The following TENT4B variants were observed in gnomAD, a reference collection of about 807,000 sequenced individuals.
TENT4B encodes the protein PAP associated domain containing 5.
In TENT4B, 10 loss-of-function variants were observed where a neutral mutation model predicts 75.0. The observed-to-expected ratio is 0.13, with a 90% confidence interval of 0.08 to 0.23. The LOEUF (loss-of-function observed/expected upper bound fraction) is 0.23. Among genes scored for constraint, TENT4B ranks in the 10% least tolerant of loss-of-function variants. The pLI is 1.00. For missense variants in TENT4B, 579 were observed against 893.8 expected (o/e 0.65, Z 4.49); for synonymous variants, 350 against 357.7 (o/e 0.98, Z 0.24).
rs1278119882 is a variant in TENT4B at position 50,232,347 on chromosome 16, TC to T, written c.*3021del. On this transcript the variant is annotated 3_prime_UTR_variant, in exon 12 of 12. Coordinates refer to ENST00000561678, the MANE Select transcript of TENT4B (RefSeq NM_001365324.3). Reference sequence around the variant, plus strand: ...AACAGTTGATTCTGTTTTATTTTTATCCTGTTTTGAGTGTACTTTACCTTTA... The same window carrying T: ...AACAGTTGATTCTGTTTTATTTTTATCTGTTTTGAGTGTACTTTACCTTTA... 2.0e-5 allele frequency: 20 copies of T among 985,344 alleles called. No homozygotes were observed. Among genetic ancestry groups the T allele is most frequent in the Non-Finnish European group, 2.3e-5 (19 of 829,934 alleles). The allele number at this position is 985,344 out of a possible 1,614,324, so 61.0% of individuals were successfully genotyped here.
intron 10 of TENT4B, among the ~76,000 whole-genome samples, chr16:50,225,898 G>C (rs1340030347): frequency 1.3e-5 from 2 of 151,916 alleles, no homozygotes; most frequent in Non-Finnish European, 2.9e-5. Context: ...TGGTCAGGCT[G>C]GTCCTGAACT....
intron 1 of TENT4B, among the ~76,000 whole-genome samples, chr16:50,178,934 G>A (rs568051945): frequency 3.6e-4 from 55 of 152,006 alleles, no homozygotes; most frequent in Non-Finnish European, 6.5e-4. Flanking sequence ...CCACTGAACT[G>A]TACACCTAAA....
chr16:50,193,331 GTTTT>G (rs774084083), intron 1 of TENT4B, among the ~76,000 whole-genome samples: 1 of 101,478 alleles, frequency 9.9e-6, no homozygotes, highest in Admixed American at 1.2e-4. Context: ...AGTTCCTGGA[GTTTT>G]TTTTTTTTTT....
At chr16:50,155,172 G>A (rs2037866988) in intron 1 of TENT4B, among the ~76,000 whole-genome samples, 1 of 152,104 alleles carries the variant, frequency 6.6e-6, no homozygotes, top group African/African-American at 2.4e-5. Flanking sequence ...TACATAAGCA[G>A]GGAATGTTTC....
At chr16:50,194,230 C>CT in intron 1 of TENT4B, among the ~76,000 whole-genome samples, 1 of 35,862 alleles carries the variant, frequency 2.8e-5, no homozygotes, top group Non-Finnish European at 6.3e-5. Context: ...TTTTTTTTTT[C>CT]TCTGAGACGG....
chr16:50,217,611 T>C lies in TENT4B; in HGVS notation c.986T>C (p.Phe329Ser). 6.5e-7 allele frequency: 1 copy of C among 1,536,016 alleles called. No individual in the cohort carries two copies. The highest frequency in any genetic ancestry group is 1.3e-5 in the South Asian group (1 of 79,788). ...ACTGAAGTGAAAGTTGATATCAGCT[T>C]TAATGTACAGAATGGCGTGAGAGCA... ...SFTEVKVDISFNVQNGVRAAD... is the reference protein window; with the variant it reads ...SFTEVKVDISSNVQNGVRAAD... Residue 329 changes from phenylalanine to serine, a missense_variant, in exon 5 of 12, where the codon TTT becomes TCT. By Grantham distance (155) the Phe-to-Ser change is radical (BLOSUM62 -2). This residue lies in a region of TENT4B where 55 missense variants were observed against 77.1 expected (regional missense o/e 0.71). Transcript: ENST00000561678.
chr16:50,195,024 C>G (rs1382924606), intron 1 of TENT4B, among the ~76,000 whole-genome samples: 1 of 152,150 alleles, frequency 6.6e-6, no homozygotes, highest in Non-Finnish European at 1.5e-5. Flanking sequence ...GCTGGGATTA[C>G]AGGCATGAGC....
intron 1 of TENT4B, among the ~76,000 whole-genome samples, chr16:50,185,313 T>C (rs956405527): frequency 6.6e-6 from 1 of 152,224 alleles, no homozygotes; most frequent in Non-Finnish European, 1.5e-5. Context: ...GATTAATGCT[T>C]ACTTAACTTG....
chr16:50,182,741 T>C (rs2038439077), intron 1 of TENT4B, among the ~76,000 whole-genome samples: 1 of 152,068 alleles, frequency 6.6e-6, no homozygotes, highest in African/African-American at 2.4e-5. Context: ...TGAAAAGTTA[T>C]TTACTTTTCA....
At chr16:50,174,614 T>C (rs1020026471) in intron 1 of TENT4B, among the ~76,000 whole-genome samples, 3 of 152,154 alleles carry the variant, frequency 2.0e-5, no homozygotes, top group Admixed American at 2.0e-4. Context: ...TTTTGAAATA[T>C]ACAATAAATT....
intron 5 of TENT4B, among the ~76,000 whole-genome samples, chr16:50,218,594 C>T (rs1003776976): frequency 9.9e-5 from 15 of 151,780 alleles, no homozygotes; most frequent in African/African-American, 3.1e-4. Flanking sequence ...CCTTGTGATC[C>T]GCCTACCTCG....
intron 1 of TENT4B, among the ~76,000 whole-genome samples, chr16:50,172,529 G>A (rs1316185093): frequency 7.1e-6 from 1 of 141,032 alleles, no homozygotes; most frequent in Non-Finnish European, 1.5e-5. Flanking sequence ...TTTTTTAGCA[G>A]TTTTAGGTTT....
intron 3 of TENT4B, among the ~76,000 whole-genome samples, chr16:50,215,621 T>C (rs900129284): frequency 2.0e-5 from 3 of 152,184 alleles, no homozygotes; most frequent in African/African-American, 7.2e-5. Context: ...TTCAGAGATA[T>C]CTGTGCATAT....
chr16:50,193,481 G>A (rs150229796), intron 1 of TENT4B, among the ~76,000 whole-genome samples: 3,062 of 152,002 alleles, frequency 0.02, 109 homozygotes, highest in African/African-American at 0.071. Flanking sequence ...GGGACTACAG[G>A]TGCCCACCGC....
chr16:50,163,417 C>CTTT (rs559720798), intron 1 of TENT4B, among the ~76,000 whole-genome samples: 79 of 132,980 alleles, frequency 5.9e-4, no homozygotes, highest in Admixed American at 2.1e-3. Flanking sequence ...GATATAATTT[C>CTTT]TTTTTTTTTT....
At position 50,229,258 on chromosome 16, in the gene TENT4B, A is replaced by G. The variant is rs778720911; in HGVS notation, c.2072A>G (p.Asn691Ser). 1.2e-6 allele frequency: 2 copies of G among 1,614,030 alleles called. No individual in the cohort carries two copies. The highest frequency in any genetic ancestry group is 1.1e-5 in the South Asian group (1 of 91,064). The change falls in exon 12 of 12, where the codon AAT becomes AGT. Residue 691 changes from asparagine (N) to serine (S), a missense_variant. Transcript: ENST00000561678. Reference protein sequence around the residue: ...MTNKQHQGKSNNQYYHGKKRK... With the variant: ...MTNKQHQGKSSNQYYHGKKRK... ...AACAAACAACATCAAGGCAAATCCA[A>G]TAATCAGTATTACCATGGCAAAAAG...
chr16:50,198,245 C>A (rs550132126), intron 1 of TENT4B, among the ~76,000 whole-genome samples: 1 of 151,336 alleles, frequency 6.6e-6, no homozygotes, highest in Non-Finnish European at 1.5e-5. Flanking sequence ...GGCAAAACCC[C>A]GTCTCTACAA....
At chr16:50,228,334 A>G (rs1288052710) in intron 11 of TENT4B, among the ~76,000 whole-genome samples, 2 of 152,204 alleles carry the variant, frequency 1.3e-5, no homozygotes, top group African/African-American at 2.4e-5. Context: ...GGCAGTGTGC[A>G]TATCTGGGAA....
chr16:50,196,043 A>G (rs2030215628), intron 1 of TENT4B, among the ~76,000 whole-genome samples: 1 of 152,256 alleles, frequency 6.6e-6, no homozygotes, highest in Admixed American at 6.5e-5. Context: ...TATATTGTAC[A>G]CAGATGTGCC....
Sources: gnomAD v4.1 joint callset for allele counts (sites outside exome capture counted in the v4.1 genomes callset) on GRCh38, gnomAD v4.1.1 for gene constraint, gnomAD v4.1.1 regional missense constraint, MANE v1.5 for transcripts, NCBI Gene and HGNC (gene_info 2026-07-23, HGNC 2026-07-21) for gene names.